Variants in UCK2 observed in about 807,000 individuals in gnomAD.
UCK2 encodes the protein cytidine monophosphokinase 2.
UCK2 carries 6 observed loss-of-function variants against 30.8 expected under a neutral mutation model. That is an observed-to-expected ratio of 0.19 (90% CI 0.11 to 0.38). The LOEUF (loss-of-function observed/expected upper bound fraction) is 0.38, where lower values mean the gene tolerates loss of function less well. UCK2 is among the 10% of genes least tolerant of loss of function. The pLI, the probability that UCK2 is intolerant of heterozygous loss-of-function variation, is 1.00. For missense variants in UCK2, 210 were observed against 339.8 expected (o/e 0.62, Z 3.00); for synonymous variants, 125 against 133.6 (o/e 0.94, Z 0.45).
At chr1:165,887,424 A>G (rs1447677810) in intron 1 of UCK2, among the ~76,000 whole-genome samples, 1 of 152,228 alleles carries the variant, frequency 6.6e-6, no homozygotes, top group Non-Finnish European at 1.5e-5. Flanking sequence ...TAAGGGAAAC[A>G]GTAGTTTATC....
intron 1 of UCK2, among the ~76,000 whole-genome samples, chr1:165,830,172 ATT>A (rs111597283): frequency 1.4e-5 from 2 of 143,772 alleles, no homozygotes; most frequent in Admixed American, 1.4e-4. Flanking sequence ...TGCCCGACTA[ATT>A]TTTTTTTTTT....
intron 1 of UCK2, among the ~76,000 whole-genome samples, chr1:165,852,018 A>G (rs904562902): frequency 6.6e-6 from 1 of 152,120 alleles, no homozygotes; most frequent in African/African-American, 2.4e-5. Context: ...AGTCTTTGCT[A>G]TTGTAAATAG....
intron 1 of UCK2, among the ~76,000 whole-genome samples, chr1:165,884,894 T>C (rs569214073): frequency 6.6e-6 from 1 of 152,144 alleles, no homozygotes; most frequent in South Asian, 2.1e-4. Flanking sequence ...GCTAAAGGAG[T>C]TCATTGTTCA....
rs567811330 is a variant in UCK2 at position 165,911,377 on chromosome 1, C to G, written c.*3554C>G. ...TTGTCTCTGGGCGTTCTGCTGCCTT[C>G]CTCATACCGGGGACTGGCATTCCAG... On this transcript the variant is annotated 3_prime_UTR_variant, in exon 7 of 7. Transcript: ENST00000367879. 6.6e-6 allele frequency: 1 copy of G among 152,330 alleles called. No homozygotes were observed. Among genetic ancestry groups the G allele is most frequent in the African/African-American group, 2.4e-5 (1 of 41,572 alleles). 9.4% of individuals were successfully genotyped at this position (152,330 alleles called of 1,614,324 possible).
chr1:165,880,522 A>G (rs1655458064), intron 1 of UCK2, among the ~76,000 whole-genome samples: 1 of 150,656 alleles, frequency 6.6e-6, no homozygotes, highest in South Asian at 2.1e-4. Context: ...GCAGCAGTTC[A>G]CCAAAGTTAG....
At chr1:165,851,338 CT>C (rs1401794797) in intron 1 of UCK2, among the ~76,000 whole-genome samples, 3 of 152,174 alleles carry the variant, frequency 2.0e-5, no homozygotes, top group Non-Finnish European at 4.4e-5. Flanking sequence ...TGTCTACTTT[CT>C]TTTGAACATT....
In UCK2 at chr1:165,828,309, C is replaced by T. The variant is rs555713577; in HGVS notation, c.99+377C>T. 4.3e-4 allele frequency among the ~76,000 whole-genome samples: 65 copies of T among 152,306 alleles called. 2 individuals carry two copies. In the South Asian group the frequency reaches 0.013, roughly 30 times the overall value. ...GGCTTTCCGCAGGATCCCCCACTAA[C>T]CCCCGATGGACTCCCTCAAGCCCCG... On this transcript the variant is annotated intron_variant, in intron 1 of 6. Transcript: ENST00000367879.
rs116363232 is a variant in UCK2 at position 165,906,272 on chromosome 1, C to T, written c.646+303C>T. Among the ~76,000 whole-genome samples, 1,118 of 152,344 alleles carry T rather than the reference C, an allele frequency of 7.3e-3. 10 individuals carry two copies. The highest frequency in any genetic ancestry group is 0.031 in the Middle Eastern group (9 of 294). On this transcript the variant is annotated intron_variant, in intron 6 of 6. Transcript: ENST00000367879. ...CACTTGGGTACTTTGCTTCTGAGGCCACCTTTTAGCAAAAGCAGATTCCCT... is the reference window on the plus strand; with the variant it reads ...CACTTGGGTACTTTGCTTCTGAGGCTACCTTTTAGCAAAAGCAGATTCCCT...
intron 1 of UCK2, among the ~76,000 whole-genome samples, chr1:165,828,562 G>A (rs1653957880): frequency 6.6e-6 from 1 of 152,198 alleles, no homozygotes; most frequent in Non-Finnish European, 1.5e-5. Context: ...TAATAGTAGG[G>A]GCTTCTGTTT....
At chr1:165,850,153 C>G (rs577802741) in intron 1 of UCK2, among the ~76,000 whole-genome samples, 1 of 152,122 alleles carries the variant, frequency 6.6e-6, no homozygotes, top group Non-Finnish European at 1.5e-5. Context: ...TATTTTGAGA[C>G]AGAGTTTTGC....
intron 1 of UCK2, among the ~76,000 whole-genome samples, chr1:165,847,165 C>G (rs1470743484): frequency 6.6e-6 from 1 of 152,098 alleles, no homozygotes; most frequent in Admixed American, 6.6e-5. Context: ...ATCACACTGT[C>G]TCAGTGGTAC....
intron 3 of UCK2, among the ~76,000 whole-genome samples, chr1:165,893,836 A>C (rs1655827129): frequency 1.3e-5 from 2 of 152,246 alleles, no homozygotes; most frequent in South Asian, 4.1e-4. Context: ...TTCTTAAGGC[A>C]CCACCAACAA....
chr1:165,896,408 C>A (rs1417856796), intron 4 of UCK2, 76 bp downstream of exon 4: 8 of 1,545,334 alleles, frequency 5.2e-6, no homozygotes, highest in Non-Finnish European at 7.1e-6. Flanking sequence ...TGTGACAGGA[C>A]CCCACCCGCC....
chr1:165,902,384 C>T (rs1647506054), intron 4 of UCK2, among the ~76,000 whole-genome samples: 1 of 151,354 alleles, frequency 6.6e-6, no homozygotes, highest in African/African-American at 2.4e-5. Flanking sequence ...TGCACTACAA[C>T]CTGTGTGACA....
At chr1:165,895,688 C>A in intron 3 of UCK2, 1 of 979,026 alleles carries the variant, frequency 1.0e-6, no homozygotes, top group Non-Finnish European at 1.2e-6. Flanking sequence ...CCCTCCTTCC[C>A]TTCCCCTTCT....
intron 1 of UCK2, among the ~76,000 whole-genome samples, chr1:165,861,064 C>G (rs1654883626): frequency 6.6e-6 from 1 of 152,172 alleles, no homozygotes; most frequent in African/African-American, 2.4e-5. Context: ...CCAGTAGATT[C>G]AGTGTCTGGT....
At chr1:165,900,134 GC>G (rs1255687828) in intron 4 of UCK2, 1 of 151,946 alleles carries the variant, frequency 6.6e-6, no homozygotes, top group Non-Finnish European at 1.5e-5. Context: ...TCCCTTTGCT[GC>G]CCCCGCTCAG....
intron 1 of UCK2, among the ~76,000 whole-genome samples, chr1:165,856,593 G>A (rs781622414): frequency 5.3e-5 from 8 of 152,138 alleles, no homozygotes; most frequent in East Asian, 1.9e-4. Flanking sequence ...GCAATTGGCC[G>A]GAGGGTTATT....
chr1:165,843,448 A>G (rs965159854), intron 1 of UCK2, among the ~76,000 whole-genome samples: 1 of 152,224 alleles, frequency 6.6e-6, no homozygotes, highest in African/African-American at 2.4e-5. Flanking sequence ...GGGATGGCAC[A>G]GGCTTTTAAC....
Sources: allele counts gnomAD v4.1 joint callset (sites outside exome capture counted in the v4.1 genomes callset), GRCh38; gene constraint gnomAD v4.1.1; transcripts MANE v1.5; gene names NCBI Gene and HGNC (gene_info 2026-07-23, HGNC 2026-07-21).